ANKS3: variants seen among roughly 807,000 people sequenced by gnomAD.
ANKS3 encodes the protein ankyrin repeat and sterile alpha motif domain containing 3, also known as ankyrin repeat and SAM domain-containing protein 3.
ANKS3 carries 62 observed loss-of-function variants against 80.7 expected under a neutral mutation model. That is an observed-to-expected ratio of 0.77 (90% CI 0.63 to 0.95). The LOEUF (loss-of-function observed/expected upper bound fraction) is 0.95. Ranked by LOEUF, ANKS3 falls within the 40% of genes least tolerant of loss-of-function variation. The pLI is 0.00. For missense variants in ANKS3, 1,150 were observed against 883.6 expected (o/e 1.30, Z -3.82); for synonymous variants, 489 against 355.3 (o/e 1.38, Z -4.23).
At chr16:4,697,881 G>T in intron 15 of ANKS3, 96 bp downstream of exon 15, 2 of 1,170,544 alleles carry the variant, frequency 1.7e-6, no homozygotes, top group Non-Finnish European at 2.3e-6. Flanking sequence ...GTGGCTGCCG[G>T]CCGGAGAACC....
At chr16:4,722,922 C>G (rs769948104) in intron 6 of ANKS3, among the ~76,000 whole-genome samples, 17 of 148,758 alleles carry the variant, frequency 1.1e-4, no homozygotes, top group Non-Finnish European at 2.2e-4. Flanking sequence ...CACAAGACTT[C>G]TGTCTCCAAA....
At chr16:4,706,612 G>A (rs1186135342) in intron 7 of ANKS3, among the ~76,000 whole-genome samples, 3 of 152,204 alleles carry the variant, frequency 2.0e-5, no homozygotes, top group African/African-American at 7.2e-5. Flanking sequence ...CCCAGTCTGA[G>A]CTTTCAGAGC....
At chr16:4,733,260 A>T (rs2142186393) in intron 1 of ANKS3, among the ~76,000 whole-genome samples, 1 of 150,732 alleles carries the variant, frequency 6.6e-6, no homozygotes, top group African/African-American at 2.4e-5. Context: ...GGGTGACTAT[A>T]GTCAATATAA....
chr16:4,717,864 C>T (rs1282436318), intron 6 of ANKS3, among the ~76,000 whole-genome samples: 6 of 151,812 alleles, frequency 4.0e-5, no homozygotes, highest in Non-Finnish European at 8.8e-5. Flanking sequence ...GGCGCAATCT[C>T]GGCTCACTGC....
intron 6 of ANKS3, 27 bp downstream of exon 6, chr16:4,724,723 T>G (rs1174678746): frequency 6.2e-7 from 1 of 1,602,482 alleles, no homozygotes; most frequent in Non-Finnish European, 8.5e-7. Context: ...GTGACTACAT[T>G]ACATGCTAAT....
chr16:4,700,773 A>G (rs979147425), intron 11 of ANKS3, 197 bp downstream of exon 11: 3 of 800,480 alleles, frequency 3.7e-6, no homozygotes, highest in African/African-American at 3.4e-5. Flanking sequence ...GTGGAGAGGA[A>G]CAGAGTAGAA....
intron 12 of ANKS3, 42 bp from the exon 13 acceptor site, chr16:4,698,983 G>A (rs767336753): frequency 8.0e-5 from 129 of 1,613,402 alleles, no homozygotes; most frequent in Non-Finnish European, 1.0e-4. Flanking sequence ...AGCGTCCCAA[G>A]AGCGCTTACA....
intron 6 of ANKS3, among the ~76,000 whole-genome samples, chr16:4,721,629 T>G (rs77431482): frequency 0.094 from 4,755 of 50,808 alleles, 188 homozygotes; most frequent in Non-Finnish European, 0.14. Context: ...TTTATTGATT[T>G]ATTTATTTAT....
At chr16:4,710,058 C>T (rs984534182) in intron 7 of ANKS3, among the ~76,000 whole-genome samples, 29 of 152,074 alleles carry the variant, frequency 1.9e-4, no homozygotes, top group Admixed American at 1.9e-3. Context: ...CATGATGTCA[C>T]CCATTTACAG....
intron 3 of ANKS3, chr16:4,727,794 C>T (rs2081428018): frequency 6.5e-6 from 1 of 153,224 alleles, no homozygotes; most frequent in South Asian, 2.1e-4. Flanking sequence ...CCAAAGAATC[C>T]CATCTTTCTC....
intron 6 of ANKS3, among the ~76,000 whole-genome samples, chr16:4,715,988 C>T (rs1024801227): frequency 6.6e-6 from 1 of 151,964 alleles, no homozygotes; most frequent in Non-Finnish European, 1.5e-5. Flanking sequence ...GAAAACAGAG[C>T]GCCTCCCGCC....
chr16:4,710,646 G>A (rs1486026480), intron 7 of ANKS3, among the ~76,000 whole-genome samples: 1 of 152,060 alleles, frequency 6.6e-6, no homozygotes, highest in African/African-American at 2.4e-5. Flanking sequence ...GGAGGCGGAG[G>A]TTGCATTGAG....
At chr16:4,728,885 G>A (rs2081487641) in intron 3 of ANKS3, among the ~76,000 whole-genome samples, 1 of 152,160 alleles carries the variant, frequency 6.6e-6, no homozygotes, top group Non-Finnish European at 1.5e-5. Flanking sequence ...CTGTACCAAG[G>A]TGCACCAGCA....
chr16:4,700,512 G>C (rs780706135), intron 11 of ANKS3: 18 of 321,392 alleles, frequency 5.6e-5, no homozygotes, highest in Admixed American at 2.2e-4. Flanking sequence ...AGCAGACACA[G>C]GTGAGACAGC....
At chr16:4,713,280 C>A (rs1006470795) in intron 7 of ANKS3, among the ~76,000 whole-genome samples, 3 of 151,514 alleles carry the variant, frequency 2.0e-5, no homozygotes, top group Non-Finnish European at 2.9e-5. Context: ...AAAAAAAAAA[C>A]AAAAGTTTGC....
At chr16:4,720,471 A>G (rs1349773846) in intron 6 of ANKS3, among the ~76,000 whole-genome samples, 1 of 150,304 alleles carries the variant, frequency 6.7e-6, no homozygotes, top group Admixed American at 6.7e-5. Context: ...CAAAAAAAAA[A>G]AAGAAGTCTA....
intron 2 of ANKS3, among the ~76,000 whole-genome samples, 179 bp downstream of exon 2, chr16:4,731,333 G>A (rs2081606827): frequency 6.6e-6 from 1 of 152,186 alleles, no homozygotes; most frequent in African/African-American, 2.4e-5. Context: ...AGGCTGGAGT[G>A]CAGTGGCATG....
chr16:4,704,014 A>T (rs1467511672), intron 8 of ANKS3, among the ~76,000 whole-genome samples: 1 of 152,134 alleles, frequency 6.6e-6, no homozygotes, highest in East Asian at 1.9e-4. Context: ...GAAGGAAGAG[A>T]CTCTGCCACT....
Position 4,698,438 on chromosome 16 carries a change from C to A in ANKS3, c.1713G>T (p.Leu571=). Residue 571 remains leucine, a synonymous_variant, in exon 14 of 18, where the codon CTG becomes CTT. Coordinates refer to ENST00000304283, the MANE Select transcript of ANKS3 (RefSeq NM_133450.4). ...WALARDAALV[L]DQLRACQAEL... is the part of the protein sequence containing the mutation. ...TCAGAGCCACTCACCGCAGCTGGTC[C>A]AGGACGAGGGCAGCATCCCGGGCCA... 1 of 1,528,226 alleles carries A rather than the reference C, an allele frequency of 6.5e-7. No individual in the cohort carries two copies. The highest frequency in any genetic ancestry group is 2.4e-5 in the East Asian group (1 of 41,852). The allele number at this position is 1,528,226 out of a possible 1,614,324, so 94.7% of individuals were successfully genotyped here.
Sources: gnomAD v4.1 joint callset for allele counts (sites outside exome capture counted in the v4.1 genomes callset) on GRCh38, gnomAD v4.1.1 for gene constraint, MANE v1.5 for transcripts, NCBI Gene and HGNC (gene_info 2026-07-23, HGNC 2026-07-21) for gene names.